FUT8: variants seen among roughly 807,000 people sequenced by gnomAD.
The protein encoded by FUT8 is alpha-(1,6)-fucosyltransferase.
Under a neutral mutation model 71.3 loss-of-function variants are expected in FUT8, and 29 were observed. The observed-to-expected ratio is 0.41, with a 90% confidence interval of 0.30 to 0.55. The LOEUF is 0.55. FUT8 is among the 20% of genes least tolerant of loss of function. The probability of loss-of-function intolerance (pLI) is 0.34; values close to 1 mark genes in which losing one functional copy is unlikely to be tolerated. For missense variants in FUT8, 544 were observed against 702.1 expected (o/e 0.77, Z 2.55); for synonymous variants, 254 against 239.3 (o/e 1.06, Z -0.57).
At chr14:65,651,049 G>A (rs1218277446) in intron 6 of FUT8, among the ~76,000 whole-genome samples, 1 of 152,182 alleles carries the variant, frequency 6.6e-6, no homozygotes. Context: ...TGTGGATGGA[G>A]CTGCAATAAC....
At chr14:65,375,903 C>T in the FUT8 span, among the ~76,000 whole-genome samples, 1 of 115,874 alleles carries the variant, frequency 8.6e-6, no homozygotes, top group East Asian at 4.0e-4. Flanking sequence ...CCAGCCTGAC[C>T]AACATGGTGA....
the FUT8 span, among the ~76,000 whole-genome samples, chr14:65,392,750 A>T: frequency 1.3e-5 from 2 of 152,186 alleles, no homozygotes; most frequent in South Asian, 4.1e-4. Flanking sequence ...TGGATTACGC[A>T]TTGGCTGGAA....
intron 3 of FUT8, among the ~76,000 whole-genome samples, chr14:65,572,592 T>C (rs1004604044): frequency 1.1e-4 from 16 of 151,930 alleles, no homozygotes; most frequent in Non-Finnish European, 2.1e-4. Context: ...TTTGCGTGTT[T>C]TGTATATGGG....
intron 8 of FUT8, 61 bp from the exon 9 acceptor site, chr14:65,724,086 G>T: frequency 1.5e-6 from 2 of 1,290,390 alleles, no homozygotes; most frequent in South Asian, 4.2e-5. Context: ...GGTATAAATT[G>T]AGTACCCTCA....
intron 3 of FUT8, among the ~76,000 whole-genome samples, chr14:65,567,346 C>T (rs1040022869): frequency 1.5e-4 from 23 of 151,894 alleles, no homozygotes; most frequent in African/African-American, 5.1e-4. Context: ...AAGCACAAAT[C>T]TTCTGGTGGA....
rs117401129 is a variant in FUT8, at chr14:65,629,475, G to T, written c.483-17G>T. 7.8e-6 allele frequency: 12 copies of T among 1,542,780 alleles called. No individual in the cohort carries two copies. In the Admixed American group the frequency reaches 1.8e-4, roughly 24 times the overall value. On this transcript the variant is annotated splice_polypyrimidine_tract_variant and intron_variant, in intron 5 of 10. Coordinates refer to ENST00000673929, the MANE Select transcript of FUT8 (RefSeq NM_001371533.1). ...AGTACAGACAAGTTCGATCTCCATT[G>T]TTGTTTGTTTTAACAGGTCTATAAT... is the stretch of plus-strand genomic sequence containing the variant.
chr14:65,629,357 G>GA, intron 5 of FUT8, 135 bp from the exon 6 acceptor site: 1 of 528,330 alleles, frequency 1.9e-6, no homozygotes. Context: ...AACCTTGATA[G>GA]AAAATAAAAG....
chr14:65,370,328 C>T, the FUT8 span, among the ~76,000 whole-genome samples: 1 of 150,672 alleles, frequency 6.6e-6, no homozygotes, highest in Non-Finnish European at 1.5e-5. Context: ...CCACCTCAGC[C>T]TCCTGAGTAG....
the FUT8 span, among the ~76,000 whole-genome samples, chr14:65,378,320 G>A: frequency 6.6e-6 from 1 of 152,184 alleles, no homozygotes; most frequent in Non-Finnish European, 1.5e-5. Flanking sequence ...GGCACCAGGA[G>A]CAGAGGGCCA....
chr14:65,529,499 C>G (rs187285047), intron 2 of FUT8: 2 of 153,022 alleles, frequency 1.3e-5, no homozygotes, highest in Admixed American at 1.3e-4. Flanking sequence ...TTCCAAAGTG[C>G]TGGGATTACA....
At chr14:65,501,984 C>T (rs1217566680) in intron 2 of FUT8, among the ~76,000 whole-genome samples, 2 of 151,290 alleles carry the variant, frequency 1.3e-5, no homozygotes, top group East Asian at 3.9e-4. Flanking sequence ...AATCTTGGCT[C>T]TCTGTAGTCC....
At chr14:65,533,140 GT>G (rs1191657153) in intron 2 of FUT8, among the ~76,000 whole-genome samples, 1 of 152,018 alleles carries the variant, frequency 6.6e-6, no homozygotes, top group Non-Finnish European at 1.5e-5. Context: ...TATTTGGGCT[GT>G]TTTTTGGTTT....
At chr14:65,684,387 G>A (rs1893176921) in intron 7 of FUT8, among the ~76,000 whole-genome samples, 1 of 152,160 alleles carries the variant, frequency 6.6e-6, no homozygotes, top group South Asian at 2.1e-4. Context: ...CTAAGATGAC[G>A]AAAAGGGAAG....
chr14:65,655,165 A>G (rs1891609189), intron 6 of FUT8, among the ~76,000 whole-genome samples: 2 of 151,942 alleles, frequency 1.3e-5, no homozygotes, highest in Non-Finnish European at 2.9e-5. Context: ...CATGCAAACA[A>G]TAATCAAAAG....
intron 2 of FUT8, among the ~76,000 whole-genome samples, chr14:65,505,886 T>C (rs1432840823): frequency 1.3e-5 from 2 of 152,122 alleles, no homozygotes; most frequent in Non-Finnish European, 2.9e-5. Flanking sequence ...ATTATCTTCC[T>C]AGGAAAACTT....
intron 6 of FUT8, among the ~76,000 whole-genome samples, chr14:65,644,297 A>T (rs900132140): frequency 5.5e-5 from 8 of 145,052 alleles, no homozygotes; most frequent in Admixed American, 1.4e-4. Flanking sequence ...ATATATATAT[A>T]TTTTTTTTTT....
At chr14:65,383,899 ATGAAACACTGCCATCATAGC>A in the FUT8 span, among the ~76,000 whole-genome samples, 1 of 151,140 alleles carries the variant, frequency 6.6e-6, no homozygotes, top group South Asian at 2.1e-4. Context: ...GTCCCATGGG[ATGAAACACTGCCATCATAGC>A]TCAGTGCAAG....
intron 3 of FUT8, among the ~76,000 whole-genome samples, chr14:65,576,197 G>C (rs1026943621): frequency 2.0e-5 from 3 of 152,022 alleles, no homozygotes; most frequent in Non-Finnish European, 4.4e-5. Context: ...TTGTTTGTTT[G>C]TTTCTTTTTC....
chr14:65,728,865 G>A (rs61987781), intron 9 of FUT8, among the ~76,000 whole-genome samples: 9,178 of 152,070 alleles, frequency 0.06, 329 homozygotes, highest in Admixed American at 0.11. Context: ...TACACCCTAT[G>A]ATGTTTGCAT....
Sources: gnomAD v4.1 joint callset for allele counts (sites outside exome capture counted in the v4.1 genomes callset) on GRCh38, gnomAD v4.1.1 for gene constraint, MANE v1.5 for transcripts, NCBI Gene and HGNC (gene_info 2026-07-23, HGNC 2026-07-21) for gene names.